The following GRXCR2 variants were observed in gnomAD, a reference collection of about 807,000 sequenced individuals.
GRXCR2 encodes the protein glutaredoxin domain-containing cysteine-rich protein 2.
In GRXCR2, 23 loss-of-function variants were observed where a neutral mutation model predicts 24.8. The ratio of observed to expected loss-of-function variants is 0.93; its 90% CI spans 0.67 to 1.32. GRXCR2 has a LOEUF of 1.32. GRXCR2 is among the 40% of genes most tolerant of loss of function. The probability of loss-of-function intolerance (pLI) is 0.00; values close to 1 mark genes in which losing one functional copy is unlikely to be tolerated. For missense variants in GRXCR2, 315 were observed against 303.4 expected (o/e 1.04, Z -0.28); for synonymous variants, 130 against 116.1 (o/e 1.12, Z -0.77).
intron 2 of GRXCR2, among the ~76,000 whole-genome samples, chr5:145,904,427 G>A (rs1757064402): frequency 6.6e-6 from 1 of 152,184 alleles, no homozygotes; most frequent in Non-Finnish European, 1.5e-5. Flanking sequence ...TGGACTTGAA[G>A]TTTTTAACCT....
At chr5:145,930,252 T>C (rs935888644) in intron 2 of GRXCR2, among the ~76,000 whole-genome samples, 95 of 152,160 alleles carry the variant, frequency 6.2e-4, no homozygotes, top group African/African-American at 2.3e-3. Context: ...ACCCAGCTAA[T>C]CTTTGTATTT....
At chr5:145,862,519 T>C (rs1399624758) in intron 2 of GRXCR2, among the ~76,000 whole-genome samples, 1 of 152,224 alleles carries the variant, frequency 6.6e-6, no homozygotes, top group Non-Finnish European at 1.5e-5. Context: ...TTTCTCTGTA[T>C]CTTTTAAAAT....
intron 2 of GRXCR2, among the ~76,000 whole-genome samples, chr5:145,889,081 C>T (rs1390306058): frequency 1.3e-5 from 2 of 151,688 alleles, no homozygotes; most frequent in Non-Finnish European, 2.9e-5. Context: ...TCGCCTGAAC[C>T]TGGAAGCTGG....
At chr5:145,906,980 T>C (rs1757097622) in intron 2 of GRXCR2, among the ~76,000 whole-genome samples, 1 of 152,092 alleles carries the variant, frequency 6.6e-6, no homozygotes, top group African/African-American at 2.4e-5. Flanking sequence ...GTCAGCCTTG[T>C]GGAGAGGAAA....
intron 2 of GRXCR2, among the ~76,000 whole-genome samples, chr5:145,883,658 C>T (rs922808937): frequency 3.9e-5 from 6 of 152,006 alleles, no homozygotes; most frequent in African/African-American, 1.5e-4. Flanking sequence ...TTTGGGAGGC[C>T]GAGGCAGGTG....
chr5:145,874,831 G>A (rs1199373171), upstream of GRXCR2, among the ~76,000 whole-genome samples: 1 of 152,198 alleles, frequency 6.6e-6, no homozygotes, highest in Non-Finnish European at 1.5e-5. Flanking sequence ...GGGGCTGCCT[G>A]GGATTGGTGT....
At chr5:145,928,712 T>G (rs754842150) in intron 2 of GRXCR2, among the ~76,000 whole-genome samples, 1 of 122,772 alleles carries the variant, frequency 8.1e-6, no homozygotes, top group Non-Finnish European at 1.6e-5. Context: ...TGAGAACACA[T>G]GGACACAGGA....
At chr5:145,929,746 G>T (rs961566310) in intron 2 of GRXCR2, among the ~76,000 whole-genome samples, 3 of 152,162 alleles carry the variant, frequency 2.0e-5, no homozygotes, top group African/African-American at 7.2e-5. Flanking sequence ...GTAGAGGAAA[G>T]AATACAAACA....
At chr5:145,863,961 A>G (rs963406443) in intron 2 of GRXCR2, among the ~76,000 whole-genome samples, 1 of 152,222 alleles carries the variant, frequency 6.6e-6, no homozygotes, top group Non-Finnish European at 1.5e-5. Context: ...TGGAACTACA[A>G]TGTTGCACCC....
At chr5:145,921,703 C>A (rs905481083) in intron 2 of GRXCR2, among the ~76,000 whole-genome samples, 1 of 152,106 alleles carries the variant, frequency 6.6e-6, no homozygotes, top group Non-Finnish European at 1.5e-5. Context: ...TACATACACA[C>A]CCTTGAAACT....
rs1216030683 is a variant in GRXCR2 at position 145,859,702 on chromosome 5, A to G, written c.*31T>C. Reference sequence around the variant, plus strand: ...TATTAGAAATAACTTTAGGGAGGGTAAGATAACAGTGGACATGCAAAAGCC... The same window carrying G: ...TATTAGAAATAACTTTAGGGAGGGTGAGATAACAGTGGACATGCAAAAGCC... On this transcript the variant is annotated 3_prime_UTR_variant, in exon 3 of 3. Transcript: ENST00000377976. The G allele has an allele frequency of 3.1e-6, 5 of 1,607,062 alleles. No individual in the cohort carries two copies. Among genetic ancestry groups the G allele is most frequent in the Non-Finnish European group, 4.3e-6 (5 of 1,173,758 alleles).
At chr5:145,905,876 C>T (rs964315916) in intron 2 of GRXCR2, among the ~76,000 whole-genome samples, 1 of 152,002 alleles carries the variant, frequency 6.6e-6, no homozygotes, top group African/African-American at 2.4e-5. Context: ...AATAGTGGTC[C>T]AAGAATAGCA....
chr5:145,875,556 A>T (rs1756599947), upstream of GRXCR2, among the ~76,000 whole-genome samples: 1 of 152,058 alleles, frequency 6.6e-6, no homozygotes, highest in African/African-American at 2.4e-5. Flanking sequence ...AAAAAAAAAT[A>T]AATAAAGAAT....
chr5:145,912,351 C>G lies in GRXCR2; in HGVS notation c.-70+23350G>C, dbSNP rs535710880. 2.0e-5 allele frequency among the ~76,000 whole-genome samples: 3 copies of G among 152,042 alleles called. No homozygotes were observed. The East Asian group carries it at 5.8e-4, about 29-fold the overall frequency. On this transcript the variant is annotated intron_variant, in intron 2 of 3. Coordinates refer to the GRXCR2 transcript ENST00000639411. Reference sequence around the variant, plus strand: ...CTAAAAAGGGGGTTCTTAGCCCTGACCAGAGATCAGGAAGGCTTCCTGGAT... The same window carrying G: ...CTAAAAAGGGGGTTCTTAGCCCTGAGCAGAGATCAGGAAGGCTTCCTGGAT...
downstream of GRXCR2, among the ~76,000 whole-genome samples, chr5:145,857,864 T>C (rs1756264165): frequency 6.6e-6 from 1 of 152,156 alleles, no homozygotes; most frequent in Admixed American, 6.5e-5. Context: ...ATTGCAATTA[T>C]CCATTTATGT....
intron 2 of GRXCR2, among the ~76,000 whole-genome samples, chr5:145,899,538 A>G (rs1282869186): frequency 1.3e-5 from 2 of 152,184 alleles, no homozygotes; most frequent in Non-Finnish European, 2.9e-5. Context: ...CCAAAACAGT[A>G]TGGTACTGAT....
At chr5:145,898,035 T>C (rs1756974171) in intron 2 of GRXCR2, among the ~76,000 whole-genome samples, 1 of 151,960 alleles carries the variant, frequency 6.6e-6, no homozygotes, top group African/African-American at 2.4e-5. Flanking sequence ...GTTTGCTTTT[T>C]GAAAGGATAA....
chr5:145,899,018 A>G (rs1458126606), intron 2 of GRXCR2, among the ~76,000 whole-genome samples: 1 of 151,984 alleles, frequency 6.6e-6, no homozygotes, highest in Non-Finnish European at 1.5e-5. Context: ...AATCCTAAAG[A>G]CACCACCAAA....
chr5:145,884,800 G>C (rs1030220865), intron 2 of GRXCR2, among the ~76,000 whole-genome samples: 23 of 152,074 alleles, frequency 1.5e-4, no homozygotes, highest in African/African-American at 5.6e-4. Context: ...ACCTAGGTTT[G>C]CTTTTTTGCA....
Sources: gnomAD v4.1 joint callset for allele counts (sites outside exome capture counted in the v4.1 genomes callset) on GRCh38, gnomAD v4.1.1 for gene constraint, MANE v1.5 for transcripts, NCBI Gene and HGNC (gene_info 2026-07-23, HGNC 2026-07-21) for gene names.